The following LHX9 variants were observed in gnomAD, a reference collection of about 807,000 sequenced individuals.
The protein encoded by LHX9 is LIM homeobox 9.
In LHX9, 9 loss-of-function variants were observed where a neutral mutation model predicts 36.5. The ratio of observed to expected loss-of-function variants is 0.25; its 90% CI spans 0.15 to 0.43. The LOEUF (loss-of-function observed/expected upper bound fraction) is 0.43. LHX9 is among the 20% of genes least tolerant of loss of function. LHX9 has a pLI of 1.00. For missense variants in LHX9, 464 were observed against 526.4 expected (o/e 0.88, Z 1.16); for synonymous variants, 211 against 212.1 (o/e 0.99, Z 0.04).
At chr1:197,925,180 GTATT>G (rs1660105872) in intron 3 of LHX9, among the ~76,000 whole-genome samples, 1 of 43,610 alleles carries the variant, frequency 2.3e-5, no homozygotes, top group Non-Finnish European at 4.2e-5. Flanking sequence ...GCCTATAACT[GTATT>G]TTACACACTA....
upstream of LHX9, among the ~76,000 whole-genome samples, chr1:197,913,694 G>A (rs1659676828): frequency 6.6e-6 from 1 of 152,166 alleles, no homozygotes; most frequent in East Asian, 1.9e-4. Context: ...GGGTGCTCAG[G>A]ACAGTGCCAG....
chr1:197,926,407 GAA>G (rs1193391650), intron 3 of LHX9, among the ~76,000 whole-genome samples: 1 of 151,928 alleles, frequency 6.6e-6, no homozygotes, highest in East Asian at 1.9e-4. Context: ...AGAATTTAAA[GAA>G]AAAAAATTAC....
chr1:197,917,720 C>G lies in LHX9; in HGVS notation c.-104C>G, dbSNP rs1412175147. ...CTGTTTCTTCTCCTCCTTTCTCTCC[C>G]TCTTTCCCTCCATCCTCGAGCGTCT... On this transcript the variant is annotated 5_prime_UTR_variant, in exon 1 of 5. Transcript: ENST00000367387. 6.3e-7 allele frequency: 1 copy of G among 1,592,888 alleles called. No individual in the cohort carries two copies. Among genetic ancestry groups the G allele is most frequent in the Non-Finnish European group, 8.5e-7 (1 of 1,173,094 alleles).
At chr1:197,928,902 A>AAAAG (rs1322128968) in intron 4 of LHX9, 100 bp from the exon 5 acceptor site, 2 of 1,349,456 alleles carry the variant, frequency 1.5e-6, no homozygotes, top group East Asian at 2.7e-5. Context: ...TCAAAAAAAA[A>AAAAG]AAAGAAAGAA....
In LHX9 at chr1:197,934,669, T is replaced by C. The variant is rs1660407597; in HGVS notation, c.*5410T>C. 6.6e-6 allele frequency: 1 copy of C among 152,120 alleles called. No homozygotes were observed. The allele number at this position is 152,120 out of a possible 1,614,324, so 9.4% of individuals were successfully genotyped here. ...ATAGATAAACTCTGGATTGGTCTTT[T>C]AGATCTGTTTTCTGTTTTTAGTAAT... On this transcript the variant is annotated 3_prime_UTR_variant, in exon 5 of 5. Coordinates refer to ENST00000367387, the MANE Select transcript of LHX9 (RefSeq NM_020204.3).
intron 1 of LHX9, chr1:197,918,240 G>C (rs1434829121): frequency 8.4e-6 from 6 of 715,884 alleles, no homozygotes; most frequent in Non-Finnish European, 1.6e-5. Flanking sequence ...GCAGGGAGAG[G>C]AACTGGGAGG....
rs1660286879 is a variant in LHX9, at chr1:197,930,114, G to A, written c.*855G>A. The A allele has an allele frequency of 2.2e-6, 2 of 908,416 alleles. No individual in the cohort carries two copies. The highest frequency in any genetic ancestry group is 1.2e-4 in the Admixed American group (2 of 16,124). 56.3% of individuals were successfully genotyped at this position (908,416 alleles called of 1,614,324 possible). A position where few individuals can be genotyped will look rare whatever the true frequency, so the allele number is the denominator to read the frequency against. Reference sequence around the variant, plus strand: ...AAAATGGAAATAAGCAAAATATAATGTTTTAAGAAGTAAAAAAATCAATAT... The same window carrying A: ...AAAATGGAAATAAGCAAAATATAATATTTTAAGAAGTAAAAAAATCAATAT... On this transcript the variant is annotated 3_prime_UTR_variant, in exon 5 of 5. Coordinates refer to ENST00000367387, the MANE Select transcript of LHX9 (RefSeq NM_020204.3).
upstream of LHX9, chr1:197,912,877 C>T (rs1264876218): frequency 1.7e-5 from 7 of 407,754 alleles, no homozygotes; most frequent in Admixed American, 4.2e-5. Context: ...CAGGGACGCG[C>T]TCCTGACCCT....
intron 2 of LHX9, among the ~76,000 whole-genome samples, chr1:197,920,447 A>G (rs1351078451): frequency 2.0e-5 from 3 of 152,096 alleles, no homozygotes; most frequent in Admixed American, 2.0e-4. Flanking sequence ...GAACTTGGGG[A>G]AATCTGGGGA....
In LHX9 at chr1:197,921,722, C is replaced by T. The variant is rs1400897700; in HGVS notation, c.733+63C>T. The T allele has an allele frequency of 2.3e-6, 3 of 1,325,218 alleles. No individual in the cohort carries two copies. Among genetic ancestry groups the T allele is most frequent in the Non-Finnish European group, 3.1e-6 (3 of 982,956 alleles). 82.1% of individuals were successfully genotyped at this position (1,325,218 alleles called of 1,614,324 possible). On this transcript the variant is annotated intron_variant, in intron 3 of 4. Transcript: ENST00000367387. The surrounding 1 kb of genome is among the most constrained non-coding windows in gnomAD (Gnocchi z 4.6). ...CTCCCTGAGGAAAATTCGTAGAGCT[C>T]CTTCCCCGTCCAAAGTCTTGCTGCA... is the stretch of plus-strand genomic sequence containing the variant.
At chr1:197,922,192 T>C (rs1203756225) in intron 3 of LHX9, among the ~76,000 whole-genome samples, 4 of 152,084 alleles carry the variant, frequency 2.6e-5, no homozygotes, top group Non-Finnish European at 5.9e-5. Flanking sequence ...CAAAAAGCAG[T>C]TGTAGGGGTG....
chr1:197,920,182 C>A lies in LHX9; in HGVS notation c.377+8C>A. 6.2e-7 allele frequency: 1 copy of A among 1,612,756 alleles called. No homozygotes were observed. Among genetic ancestry groups the A allele is most frequent in the South Asian group, 1.1e-5 (1 of 91,028 alleles). On this transcript the variant is annotated splice_region_variant and intron_variant, in intron 2 of 4. Coordinates refer to ENST00000367387, the MANE Select transcript of LHX9 (RefSeq NM_020204.3). ...CAAGGAGGATTACTACAGGTACTCCCCTACACCCCCACTTCCTACGCCCGA... is the reference window on the plus strand; with the variant it reads ...CAAGGAGGATTACTACAGGTACTCCACTACACCCCCACTTCCTACGCCCGA...
chr1:197,916,149 T>G (rs551319818), upstream of LHX9: 233 of 152,936 alleles, frequency 1.5e-3, 3 homozygotes, highest in South Asian at 4.3e-3. Flanking sequence ...GCGCTGTGCT[T>G]CGGACTCCTA....
chr1:197,918,278 C>T (rs1251271860), intron 1 of LHX9: 2 of 717,448 alleles, frequency 2.8e-6, no homozygotes, highest in Non-Finnish European at 2.6e-6. Flanking sequence ...GTGGCATTCT[C>T]TTCTACAGAC....
chr1:197,920,537 T>C (rs1659950920), intron 2 of LHX9, among the ~76,000 whole-genome samples: 1 of 152,188 alleles, frequency 6.6e-6, no homozygotes, highest in Non-Finnish European at 1.5e-5. Flanking sequence ...GGGCAAGTTC[T>C]GCGCCTTGAA....
At chr1:197,920,319 AT>A (rs1371650354) in intron 2 of LHX9, 145 bp downstream of exon 2, 6 of 391,422 alleles carry the variant, frequency 1.5e-5, no homozygotes, top group African/African-American at 4.9e-5. Flanking sequence ...CCCACTGCAT[AT>A]GCCTTCAAGC....
At chr1:197,920,816 C>G (rs1250261099) in intron 2 of LHX9, among the ~76,000 whole-genome samples, 1 of 152,126 alleles carries the variant, frequency 6.6e-6, no homozygotes, top group East Asian at 1.9e-4. Flanking sequence ...TCAGCCCAAG[C>G]AAGATAAGTT....
chr1:197,914,509 C>T (rs1250594648), upstream of LHX9, among the ~76,000 whole-genome samples: 1 of 152,072 alleles, frequency 6.6e-6, no homozygotes, highest in African/African-American at 2.4e-5. Flanking sequence ...ATTTAAAGTC[C>T]TTTGAGAATG....
chr1:197,913,390 G>A (rs914495517), upstream of LHX9, among the ~76,000 whole-genome samples: 1 of 152,140 alleles, frequency 6.6e-6, no homozygotes, highest in Admixed American at 6.5e-5. Flanking sequence ...CGAACTCCCC[G>A]TATCCCAGCT....
Sources: allele counts gnomAD v4.1 joint callset (sites outside exome capture counted in the v4.1 genomes callset), GRCh38; gene constraint gnomAD v4.1.1; non-coding constraint Gnocchi (gnomAD v3.1); transcripts MANE v1.5; gene names NCBI Gene and HGNC (gene_info 2026-07-23, HGNC 2026-07-21).